The following CCDC86 variants were observed in gnomAD, a reference collection of about 807,000 sequenced individuals.
CCDC86 encodes the protein coiled-coil domain containing 86.
Under a neutral mutation model 36.7 loss-of-function variants are expected in CCDC86, and 28 were observed. The observed-to-expected ratio is 0.76, with a 90% CI of 0.57 to 1.05. The LOEUF is 1.05. Ranked by LOEUF, CCDC86 falls within the 50% of genes least tolerant of loss-of-function variation. The pLI, the probability that CCDC86 is intolerant of heterozygous loss-of-function variation, is 0.00. For missense variants in CCDC86, 453 were observed against 470.2 expected (o/e 0.96, Z 0.34); for synonymous variants, 199 against 203.4 (o/e 0.98, Z 0.18).
At chr11:60,846,676 G>T (rs910613697) in intron 1 of CCDC86, among the ~76,000 whole-genome samples, 1 of 152,094 alleles carries the variant, frequency 6.6e-6, no homozygotes, top group Non-Finnish European at 1.5e-5. Flanking sequence ...CTGGGTTCAA[G>T]CGATTCTCCT....
chr11:60,845,845 A>C (rs1247531326), intron 1 of CCDC86, among the ~76,000 whole-genome samples: 21 of 152,254 alleles, frequency 1.4e-4, no homozygotes, highest in Admixed American at 1.4e-3. Context: ...CAGGTCACCC[A>C]GGTTGGACTT....
At chr11:60,849,144 G>A (rs142352646) in intron 2 of CCDC86, among the ~76,000 whole-genome samples, 1 of 152,296 alleles carries the variant, frequency 6.6e-6, no homozygotes, top group Non-Finnish European at 1.5e-5. Flanking sequence ...CAGCCTTGGA[G>A]CTGACGTCCC....
intron 2 of CCDC86, 108 bp downstream of exon 2, chr11:60,848,161 GT>G: frequency 7.3e-7 from 1 of 1,363,716 alleles, no homozygotes; most frequent in South Asian, 1.4e-5. Context: ...GGCCGACTTG[GT>G]TAAAAAACGT....
At chr11:60,844,203 T>C (rs1369085817) in intron 1 of CCDC86, among the ~76,000 whole-genome samples, 1 of 151,596 alleles carries the variant, frequency 6.6e-6, no homozygotes, top group African/African-American at 2.4e-5. Flanking sequence ...CATGCAGAGG[T>C]GGGGAGAAGG....
At chr11:60,845,630 G>A (rs555843874) in intron 1 of CCDC86, among the ~76,000 whole-genome samples, 72 of 152,370 alleles carry the variant, frequency 4.7e-4, no homozygotes, top group African/African-American at 1.5e-3. Context: ...GGGAGACCTG[G>A]CTGCAGCCCT....
chr11:60,847,960 A>G lies in CCDC86; in HGVS notation c.795A>G (p.Thr265=), dbSNP rs559292308. The G allele has an allele frequency of 1.2e-6, 2 of 1,612,858 alleles. No homozygotes were observed. The highest frequency in any genetic ancestry group is 2.7e-5 in the African/African-American group (2 of 75,004). The part of the protein sequence containing the change: ...SQMLQDKPLR[T]SWQRKMKERQ... ...TGCTTCAGGACAAGCCCCTGCGCAC[A>G]TCGTGGCAGCGGAAGATGAAGGAAC... The change falls in exon 2 of 4, where the codon ACA becomes ACG. Residue 265 remains threonine, a synonymous_variant. Coordinates refer to ENST00000227520, the MANE Select transcript of CCDC86 (RefSeq NM_024098.4).
rs1366691396 is a variant in CCDC86, at chr11:60,842,170, C to T, written c.46C>T (p.Pro16Ser). 1 of 1,609,188 alleles carries T rather than the reference C, an allele frequency of 6.2e-7. No individual in the cohort carries two copies. The highest frequency in any genetic ancestry group is 8.5e-7 in the Non-Finnish European group (1 of 1,178,200). Residue 16 changes from proline to serine, a missense_variant, in exon 1 of 4, where the codon CCC becomes TCC. Coordinates refer to ENST00000227520, the MANE Select transcript of CCDC86 (RefSeq NM_024098.4). ...RRSRRLGGLR[P>S]ESPESLTSVS... ...CAGCCGACGGCTGGGAGGCCTAAGG[C>T]CCGAATCCCCCGAGAGCCTCACCTC...
rs199809991 is a variant in CCDC86 at position 60,842,149 on chromosome 11, C to T, written c.25C>T (p.Arg9Ter). MDTPLRRS[R>*]RLGGLRPESP... ...CATGGATACACCGTTAAGGCGCAGC[C>T]GACGGCTGGGAGGCCTAAGGCCCGA... The change falls in exon 1 of 4, where the codon CGA becomes TGA. Residue 9 changes from arginine to a stop codon, truncating the protein, a stop_gained. Transcript: ENST00000227520. LOFTEE classifies it high-confidence loss of function. 3.2e-4 allele frequency: 512 copies of T among 1,598,084 alleles called. No homozygotes were observed. The highest frequency in any genetic ancestry group is 4.0e-4 in the Non-Finnish European group (471 of 1,173,164).
At chr11:60,844,444 C>T (rs571013539) in intron 1 of CCDC86, among the ~76,000 whole-genome samples, 1 of 152,316 alleles carries the variant, frequency 6.6e-6, no homozygotes, top group South Asian at 2.1e-4. Context: ...CTGTTGTCCC[C>T]TCCATGTTCC....
chr11:60,849,793 C>T, intron 2 of CCDC86, 147 bp from the exon 3 acceptor site: 3 of 685,926 alleles, frequency 4.4e-6, no homozygotes, highest in Non-Finnish European at 7.7e-6. Context: ...GCTAGCCCTC[C>T]ACCCACACAT....
In CCDC86 at chr11:60,850,460, G is replaced by C. The variant is rs1855247757; in HGVS notation, c.*135G>C. 10 of 1,219,856 alleles carry C rather than the reference G, an allele frequency of 8.2e-6. No individual in the cohort carries two copies. Among genetic ancestry groups the C allele is most frequent in the Non-Finnish European group, 1.1e-5 (10 of 896,976 alleles). The allele number at this position is 1,219,856 out of a possible 1,614,324, so 75.6% of individuals were successfully genotyped here. On this transcript the variant is annotated 3_prime_UTR_variant, in exon 4 of 4. Coordinates refer to ENST00000227520, the MANE Select transcript of CCDC86 (RefSeq NM_024098.4). ...AGAACAGGGACCCCCACCCCGACCGGGGCTCCTCGGCCTTTGAAGGCTTCC... is the reference window on the plus strand; with the variant it reads ...AGAACAGGGACCCCCACCCCGACCGCGGCTCCTCGGCCTTTGAAGGCTTCC...
intron 1 of CCDC86, among the ~76,000 whole-genome samples, chr11:60,844,836 C>T (rs1328906057): frequency 6.6e-6 from 1 of 152,222 alleles, no homozygotes; most frequent in Non-Finnish European, 1.5e-5. Flanking sequence ...GAATTGAGGA[C>T]AGAAGGTAGT....
rs1217459852 is a variant in CCDC86, at chr11:60,843,951, G to A, written c.758+1069G>A. Among the ~76,000 whole-genome samples, 7 of 152,186 alleles carry A rather than the reference G, an allele frequency of 4.6e-5. No individual in the cohort carries two copies. The East Asian group carries it at 9.6e-4, about 21-fold the overall frequency. On this transcript the variant is annotated intron_variant, in intron 1 of 3. Transcript: ENST00000227520. ...GAGTAATTTACTGCAAGTCTCCCAT[G>A]GGAGAGACTTTGAGGCTAGAGTGAC...
chr11:60,848,228 A>G (rs1565096445), intron 2 of CCDC86, among the ~76,000 whole-genome samples, 175 bp downstream of exon 2: 2 of 152,082 alleles, frequency 1.3e-5, no homozygotes, highest in African/African-American at 4.8e-5. Context: ...CAGAAGTGCA[A>G]TCTGGGACTA....
In CCDC86 at chr11:60,842,588, C is replaced by T. The variant is rs773894927; in HGVS notation, c.464C>T (p.Pro155Leu). The T allele has an allele frequency of 4.0e-5, 65 of 1,613,264 alleles. No individual in the cohort carries two copies. In the African/African-American group the frequency reaches 8.4e-4, roughly 21 times the overall value. ...LTPGAPQHQL[P>L]PVPGSPEPYP... ...CCGGGGGCCCCCCAGCATCAGCTAC[C>T]GCCGGTCCCAGGATCACCAGAGCCT... The change falls in exon 1 of 4, where the codon CCG becomes CTG. Residue 155 changes from proline (P) to leucine (L), a missense_variant. Transcript: ENST00000227520.
intron 2 of CCDC86, among the ~76,000 whole-genome samples, chr11:60,849,509 CT>C (rs1272955902): frequency 6.6e-6 from 1 of 152,242 alleles, no homozygotes; most frequent in Non-Finnish European, 1.5e-5. Flanking sequence ...GCCCTCACCC[CT>C]AGCCTGGCAT....
intron 1 of CCDC86, among the ~76,000 whole-genome samples, chr11:60,845,739 G>T (rs1713641738): frequency 6.6e-6 from 1 of 152,228 alleles, no homozygotes. Context: ...CCTATTACGT[G>T]TGTGTGTCGA....
In CCDC86 at chr11:60,842,295, G is replaced by T. The variant is rs1855129039; in HGVS notation, c.171G>T (p.Gly57=). 6.2e-7 allele frequency: 1 copy of T among 1,613,460 alleles called. No homozygotes were observed. The highest frequency in any genetic ancestry group is 1.3e-5 in the African/African-American group (1 of 74,922). The change falls in exon 1 of 4, where the codon GGG becomes GGT. Residue 57 remains glycine, a synonymous_variant. Transcript: ENST00000227520. ...SPPSVQRAGL[G]SPERPPKTSP... is the part of the protein sequence containing the mutation. Reference sequence around the variant, plus strand: ...CGAGTGTGCAGCGGGCTGGCCTGGGGTCCCCCGAAAGGCCGCCGAAGACAA... The same window carrying T: ...CGAGTGTGCAGCGGGCTGGCCTGGGTTCCCCCGAAAGGCCGCCGAAGACAA...
intron 2 of CCDC86, among the ~76,000 whole-genome samples, chr11:60,849,417 C>T (rs979463668): frequency 5.3e-5 from 8 of 152,342 alleles, no homozygotes; most frequent in African/African-American, 1.9e-4. Flanking sequence ...CAGATTGAAA[C>T]CCAGCCCAGA....
Sources: allele counts gnomAD v4.1 joint callset (sites outside exome capture counted in the v4.1 genomes callset), GRCh38; gene constraint gnomAD v4.1.1; transcripts MANE v1.5; gene names NCBI Gene and HGNC (gene_info 2026-07-23, HGNC 2026-07-21).